Variants in FMNL2 observed in about 807,000 individuals in gnomAD.
FMNL2 encodes formin like 2, also known as formin-like protein 2.
A neutral mutation model predicts 130.2 loss-of-function variants in FMNL2; 51 were observed. The ratio of observed to expected loss-of-function variants is 0.39; its 90% CI spans 0.31 to 0.49. FMNL2 has a LOEUF of 0.49. FMNL2 is among the 20% of genes least tolerant of loss of function. The pLI is 0.85. For missense variants in FMNL2, 977 were observed against 1,316.2 expected (o/e 0.74, Z 3.99); for synonymous variants, 465 against 467.1 (o/e 1.00, Z 0.06).
intron 4 of FMNL2, among the ~76,000 whole-genome samples, chr2:152,557,241 C>A (rs917390713): frequency 2.0e-5 from 3 of 152,136 alleles, no homozygotes. Flanking sequence ...AATGAAACTT[C>A]AGCCTCCACC....
At chr2:152,527,898 C>T (rs894210319) in intron 2 of FMNL2, among the ~76,000 whole-genome samples, 2 of 151,974 alleles carry the variant, frequency 1.3e-5, no homozygotes, top group African/African-American at 2.4e-5. Context: ...TCCAATGATC[C>T]CTTTTCTTTT....
intron 9 of FMNL2, among the ~76,000 whole-genome samples, chr2:152,589,993 A>ATGTATATGTATATGTATATGTATGTC (rs1332756674): frequency 8.7e-6 from 1 of 114,624 alleles, no homozygotes; most frequent in Non-Finnish European, 1.8e-5. Context: ...ATGTATATGT[A>ATGTATATGTATATGTATATGTATGTC]TATGTATATA....
At chr2:152,535,893 A>G (rs1417882504) in intron 2 of FMNL2, among the ~76,000 whole-genome samples, 2 of 152,206 alleles carry the variant, frequency 1.3e-5, no homozygotes, top group African/African-American at 4.8e-5. Flanking sequence ...CAACATGCTC[A>G]TACGCATACT....
chr2:152,364,259 G>GTTTTTTTTTTTTTTTTTTT (rs1163993397), intron 1 of FMNL2, among the ~76,000 whole-genome samples: 1 of 100,798 alleles, frequency 9.9e-6, no homozygotes, highest in African/African-American at 4.4e-5. Context: ...GGAGGTTTGT[G>GTTTTTTTTTTTTTTTTTTT]TGTTTTTTTT....
chr2:152,449,209 T>G (rs533740676), intron 1 of FMNL2, among the ~76,000 whole-genome samples: 1 of 152,340 alleles, frequency 6.6e-6, no homozygotes, highest in Admixed American at 6.5e-5. Context: ...CTCTTTAGTT[T>G]CTCTTTCCGG....
intron 9 of FMNL2, among the ~76,000 whole-genome samples, chr2:152,582,594 G>A (rs868589520): frequency 6.6e-6 from 1 of 152,036 alleles, no homozygotes; most frequent in South Asian, 2.1e-4. Flanking sequence ...TCATATTCTG[G>A]CTTCCAAGAC....
chr2:152,639,866 C>G, intron 23 of FMNL2, 92 bp from the exon 24 acceptor site: 4 of 1,063,040 alleles, frequency 3.8e-6, no homozygotes, highest in Admixed American at 2.8e-5. Flanking sequence ...TAATTCTCAA[C>G]TCACTAAGGA....
rs1683772141 is a variant in FMNL2, at chr2:152,648,053, T to C, written c.*148T>C. 3.0e-6 allele frequency: 2 copies of C among 662,758 alleles called. No individual in the cohort carries two copies. The highest frequency in any genetic ancestry group is 5.0e-6 in the Non-Finnish European group (2 of 396,480). 41.1% of individuals were successfully genotyped at this position (662,758 alleles called of 1,614,324 possible). A position where few individuals can be genotyped will look rare whatever the true frequency, so the allele number is the denominator to read the frequency against. On this transcript the variant is annotated 3_prime_UTR_variant, in exon 26 of 26. Transcript: ENST00000288670. ...TAGCAAACACGGAAGAATTTTAAAA[T>C]GAGCTCTCCTTTCAACCCTTGTTAA...
At chr2:152,510,100 T>G (rs749798882) in intron 1 of FMNL2, among the ~76,000 whole-genome samples, 1 of 152,162 alleles carries the variant, frequency 6.6e-6, no homozygotes, top group Non-Finnish European at 1.5e-5. Flanking sequence ...TGAAGTAAAC[T>G]CTGTTAGTAT....
chr2:152,375,670 C>T (rs1290048068), intron 1 of FMNL2, among the ~76,000 whole-genome samples: 1 of 151,764 alleles, frequency 6.6e-6, no homozygotes, highest in Non-Finnish European at 1.5e-5. Context: ...ACAGTGAAAT[C>T]TGCAGCTGAA....
chr2:152,422,219 A>G (rs968290251), intron 1 of FMNL2, among the ~76,000 whole-genome samples: 30 of 152,176 alleles, frequency 2.0e-4, no homozygotes, highest in Non-Finnish European at 3.8e-4. Context: ...GGTATGTGAA[A>G]CATTCTTCCC....
chr2:152,547,866 C>T (rs1194943604), intron 3 of FMNL2, among the ~76,000 whole-genome samples: 3 of 152,142 alleles, frequency 2.0e-5, no homozygotes, highest in South Asian at 2.1e-4. Flanking sequence ...TCTGGAACTC[C>T]GCTTAGGAGG....
chr2:152,415,272 G>C (rs1686547425), intron 1 of FMNL2, among the ~76,000 whole-genome samples: 1 of 152,110 alleles, frequency 6.6e-6, no homozygotes, highest in African/African-American at 2.4e-5. Context: ...TTGGCTCGGA[G>C]ACAGCATGGT....
In FMNL2 at chr2:152,581,056, T is replaced by G; in HGVS notation, c.876+7T>G. The G allele has an allele frequency of 6.2e-7, 1 of 1,611,092 alleles. No individual in the cohort carries two copies. Among genetic ancestry groups the G allele is most frequent in the Non-Finnish European group, 8.5e-7 (1 of 1,177,954 alleles). On this transcript the variant is annotated splice_region_variant and intron_variant, in intron 9 of 25. Coordinates refer to ENST00000288670, the MANE Select transcript of FMNL2 (RefSeq NM_052905.4). The stretch of plus-strand genomic sequence containing the variant: ...ATTTGATAACTTTAAAGAGGTAGGC[T>G]ACACTATAGTTTTCATAAGAATACT...
chr2:152,474,783 G>A (rs1690056745), intron 1 of FMNL2, among the ~76,000 whole-genome samples: 1 of 152,156 alleles, frequency 6.6e-6, no homozygotes, highest in Non-Finnish European at 1.5e-5. Context: ...GGCATTAGTT[G>A]GGTCTGAATG....
chr2:152,526,790 G>T (rs1055785910), intron 2 of FMNL2, among the ~76,000 whole-genome samples: 1 of 151,870 alleles, frequency 6.6e-6, no homozygotes, highest in Non-Finnish European at 1.5e-5. Context: ...GCATTAGTCA[G>T]ATTTTTTGTT....
rs774025914 is a variant in FMNL2, at chr2:152,581,065, GT to G, written c.876+20del. 6.9e-6 allele frequency: 11 copies of G among 1,602,118 alleles called. No homozygotes were observed. In the African/African-American group the frequency reaches 1.5e-4, roughly 22 times the overall value. The stretch of plus-strand genomic sequence containing the variant: ...CTTTAAAGAGGTAGGCTACACTATA[GT>G]TTTCATAAGAATACTCACACATCTT... On this transcript the variant is annotated intron_variant, in intron 9 of 25. Coordinates refer to ENST00000288670, the MANE Select transcript of FMNL2 (RefSeq NM_052905.4).
At chr2:152,487,649 G>A (rs1402132430) in intron 1 of FMNL2, among the ~76,000 whole-genome samples, 1 of 152,138 alleles carries the variant, frequency 6.6e-6, no homozygotes, top group Non-Finnish European at 1.5e-5. Flanking sequence ...TAAAATGTAT[G>A]TGAAAAAACC....
At chr2:152,608,567 T>C (rs1698514076) in intron 10 of FMNL2, among the ~76,000 whole-genome samples, 1 of 149,340 alleles carries the variant, frequency 6.7e-6, no homozygotes, top group Non-Finnish European at 1.5e-5. Flanking sequence ...TGTATATATA[T>C]GTGTCTATAT....
Sources: allele counts gnomAD v4.1 joint callset (sites outside exome capture counted in the v4.1 genomes callset), GRCh38; gene constraint gnomAD v4.1.1; transcripts MANE v1.5; gene names NCBI Gene and HGNC (gene_info 2026-07-23, HGNC 2026-07-21).